The following SHANK2 variants were observed in gnomAD, a reference collection of about 807,000 sequenced individuals.
SHANK2 encodes SH3 and multiple ankyrin repeat domains 2, also known as SH3 and multiple ankyrin repeat domains protein 2.
SHANK2 carries 43 observed loss-of-function variants against 133.7 expected under a neutral mutation model. The observed-to-expected ratio is 0.32, with a 90% CI of 0.25 to 0.41. The LOEUF (loss-of-function observed/expected upper bound fraction) is 0.41. Among genes scored for constraint, SHANK2 ranks in the 10% least tolerant of loss-of-function variants. The pLI, the probability that SHANK2 is intolerant of heterozygous loss-of-function variation, is 1.00. For missense variants in SHANK2, 1,994 were observed against 2,235.8 expected (o/e 0.89, Z 2.18); for synonymous variants, 1,017 against 952.8 (o/e 1.07, Z -1.24).
At chr11:70,767,773 T>C (rs1409377812) in intron 14 of SHANK2, among the ~76,000 whole-genome samples, 1 of 151,920 alleles carries the variant, frequency 6.6e-6, no homozygotes, top group Non-Finnish European at 1.5e-5. Flanking sequence ...AATTAAAAAG[T>C]GACAATTCAC....
At chr11:71,129,341 G>A (rs1555103300) in intron 3 of SHANK2, among the ~76,000 whole-genome samples, 1 of 152,214 alleles carries the variant, frequency 6.6e-6, no homozygotes, top group Non-Finnish European at 1.5e-5. Flanking sequence ...CTGCAGAGCT[G>A]TAAGTTACAG....
intron 11 of SHANK2, among the ~76,000 whole-genome samples, chr11:70,858,426 T>C (rs974363429): frequency 2.0e-5 from 3 of 152,170 alleles, no homozygotes; most frequent in African/African-American, 7.2e-5. Flanking sequence ...GTCTTTGCCA[T>C]CCACTCAGTG....
chr11:70,698,240 C>G (rs1017415164), intron 15 of SHANK2: 1 of 204,096 alleles, frequency 4.9e-6, no homozygotes, highest in African/African-American at 2.3e-5. Context: ...CGCCTGCCCC[C>G]TTCCTTCACA....
intron 2 of SHANK2, among the ~76,000 whole-genome samples, chr11:71,152,405 C>T (rs1431002126): frequency 2.6e-5 from 4 of 152,182 alleles, no homozygotes; most frequent in Non-Finnish European, 4.4e-5. Context: ...TGAGCCACCG[C>T]GCCTGGCCAG....
chr11:70,496,824 A>G (rs1555157195), intron 21 of SHANK2, among the ~76,000 whole-genome samples: 1 of 150,592 alleles, frequency 6.6e-6, no homozygotes. Flanking sequence ...TGGGGTCACC[A>G]TTGGCATGGT....
In SHANK2 at chr11:70,615,888, C is replaced by T. The variant is rs538829123; in HGVS notation, c.2061+43940G>A. Among the ~76,000 whole-genome samples the T allele has an allele frequency of 4.3e-4, 66 of 152,284 alleles. No individual in the cohort carries two copies. The South Asian group carries it at 5.0e-3, about 11-fold the overall frequency. ...TTGCTCTCTGTGGCTCTTACATCCT[C>T]GGTCTGTCTCTTTGTTGGTTAGTGG... On this transcript the variant is annotated intron_variant, in intron 17 of 25. Transcript: ENST00000601538.
intron 17 of SHANK2, among the ~76,000 whole-genome samples, chr11:70,602,373 C>G (rs1362319580): frequency 6.6e-6 from 1 of 152,254 alleles, no homozygotes; most frequent in Non-Finnish European, 1.5e-5. Flanking sequence ...CGTGGTAGAG[C>G]TGAACACTTG....
At chr11:70,888,426 C>G (rs573921759) in intron 11 of SHANK2, among the ~76,000 whole-genome samples, 2 of 151,728 alleles carry the variant, frequency 1.3e-5, no homozygotes, top group Non-Finnish European at 2.9e-5. Context: ...ATTGCCCTCT[C>G]GCAAACACAC....
intron 1 of SHANK2, among the ~76,000 whole-genome samples, chr11:71,230,302 C>G (rs782442977): frequency 4.0e-5 from 6 of 151,610 alleles, no homozygotes; most frequent in Non-Finnish European, 8.8e-5. Flanking sequence ...TTAAAAAAAG[C>G]TGAGTGCAGT....
intron 11 of SHANK2, among the ~76,000 whole-genome samples, chr11:70,860,325 G>A (rs967892452): frequency 6.6e-6 from 1 of 152,148 alleles, no homozygotes; most frequent in African/African-American, 2.4e-5. Flanking sequence ...TGTCCCCTTA[G>A]GCCATGTTAT....
chr11:70,664,440 G>T (rs1335867888), intron 15 of SHANK2, among the ~76,000 whole-genome samples: 3 of 152,226 alleles, frequency 2.0e-5, no homozygotes, highest in African/African-American at 7.2e-5. Flanking sequence ...CCTGCTGTCT[G>T]CAAGAGGAGC....
At chr11:70,787,029 CCAT>C (rs1210647955) in intron 14 of SHANK2, among the ~76,000 whole-genome samples, 17 of 151,306 alleles carry the variant, frequency 1.1e-4, no homozygotes, top group African/African-American at 4.1e-4. Context: ...ACCAGCATCA[CCAT>C]CATCACCAAG....
At chr11:70,913,480 G>A (rs927985532) in intron 10 of SHANK2, among the ~76,000 whole-genome samples, 1 of 152,148 alleles carries the variant, frequency 6.6e-6, no homozygotes, top group Admixed American at 6.5e-5. Flanking sequence ...TAAGTTCCTT[G>A]TAACTGGCAG....
At position 70,830,781 on chromosome 11, in the gene SHANK2, G is replaced by A. The variant is rs1412061318; in HGVS notation, c.1175-10099C>T. ...CTGGGTCCCTGAGACCAGCAGCAAG[G>A]CTGTCAGATGAGACAGACGAGGTTC... On this transcript the variant is annotated intron_variant, in intron 11 of 25. Coordinates refer to ENST00000601538, the MANE Select transcript of SHANK2 (RefSeq NM_012309.5). This position sits in a 1 kb window ranked among gnomAD's most constrained non-coding sequence, Gnocchi z 4.4. Among the ~76,000 whole-genome samples the A allele has an allele frequency of 2.6e-5, 4 of 152,196 alleles. No homozygotes were observed. The highest frequency in any genetic ancestry group is 7.2e-5 in the African/African-American group (3 of 41,446).
At chr11:70,939,469 C>T (rs185443905) in intron 10 of SHANK2, among the ~76,000 whole-genome samples, 1 of 152,214 alleles carries the variant, frequency 6.6e-6, no homozygotes, top group East Asian at 1.9e-4. Context: ...CAGAGTGAGA[C>T]TGTCTCAATA....
chr11:70,515,690 C>T (rs553055656), intron 17 of SHANK2, among the ~76,000 whole-genome samples: 59 of 147,878 alleles, frequency 4.0e-4, no homozygotes, highest in African/African-American at 1.4e-3. Flanking sequence ...TATGGCAGCA[C>T]GTGGCTGTGG....
At position 70,473,042 on chromosome 11, in the gene SHANK2, C is replaced by T. The variant is rs1159754385; in HGVS notation, c.5377G>A (p.Asp1793Asn). Residue 1793 changes from aspartate to asparagine, a missense_variant, in exon 26 of 26, where the codon GAT becomes AAT. By Grantham distance (23) the Asp-to-Asn change is conservative (BLOSUM62 1). This residue lies in a region of SHANK2 where 42 missense variants were observed against 79.9 expected (regional missense o/e 0.53). Coordinates refer to ENST00000601538, the MANE Select transcript of SHANK2 (RefSeq NM_012309.5). The surrounding 1 kb of genome is among the most constrained non-coding windows in gnomAD (Gnocchi z 5.9). ...VHLWTKPDVA[D>N]WLESLNLGEH... ...CCCAAGTTTAGACTTTCCAGCCAAT[C>T]GGCCACATCTGGTTTAGTCCACAGG... 4.3e-6 allele frequency: 7 copies of T among 1,614,118 alleles called. No homozygotes were observed. The highest frequency in any genetic ancestry group is 5.9e-6 in the Non-Finnish European group (7 of 1,180,054).
At chr11:70,831,224 T>C (rs1394946535) in intron 11 of SHANK2, among the ~76,000 whole-genome samples, 2 of 152,210 alleles carry the variant, frequency 1.3e-5, no homozygotes, top group African/African-American at 2.4e-5. Flanking sequence ...TTGAGTCTGT[T>C]TGTTGCCTGC....
At chr11:70,954,514 G>A (rs549191397) in intron 10 of SHANK2, among the ~76,000 whole-genome samples, 2 of 152,336 alleles carry the variant, frequency 1.3e-5, no homozygotes, top group African/African-American at 4.8e-5. Context: ...CTGTGCAAAA[G>A]GAAATCAGAC....
Sources: allele counts gnomAD v4.1 joint callset (sites outside exome capture counted in the v4.1 genomes callset), GRCh38; gene constraint gnomAD v4.1.1; regional missense constraint gnomAD v4.1.1; non-coding constraint Gnocchi (gnomAD v3.1); transcripts MANE v1.5; gene names NCBI Gene and HGNC (gene_info 2026-07-23, HGNC 2026-07-21).